MGAT5: variants seen among roughly 807,000 people sequenced by gnomAD.
MGAT5 encodes the protein alpha-1,6-mannosylglycoprotein 6-beta-N-acetylglucosaminyltransferase A.
A neutral mutation model predicts 94.3 loss-of-function variants in MGAT5; 30 were observed. The ratio of observed to expected loss-of-function variants is 0.32; its 90% CI spans 0.24 to 0.43. The LOEUF is 0.43. MGAT5 is among the 20% of genes least tolerant of loss of function. The pLI, the probability that MGAT5 is intolerant of heterozygous loss-of-function variation, is 1.00. For missense variants in MGAT5, 691 were observed against 905.5 expected (o/e 0.76, Z 3.04); for synonymous variants, 310 against 322.9 (o/e 0.96, Z 0.43).
chr2:134,248,095 G>A (rs192550956), intron 1 of MGAT5, among the ~76,000 whole-genome samples: 22 of 152,226 alleles, frequency 1.4e-4, no homozygotes, highest in Middle Eastern at 3.4e-3. Context: ...GTTTAACCCT[G>A]CCTCTTCAAG....
chr2:134,341,826 T>TA, intron 7 of MGAT5, 67 bp downstream of exon 7: 1 of 1,368,392 alleles, frequency 7.3e-7, no homozygotes, highest in Non-Finnish European at 1.0e-6. Flanking sequence ...CTTAAAGTAT[T>TA]ACCTCTATTA....
At chr2:134,190,549 C>G (rs2105224878) in intron 1 of MGAT5, among the ~76,000 whole-genome samples, 1 of 152,332 alleles carries the variant, frequency 6.6e-6, no homozygotes, top group African/African-American at 2.4e-5. Flanking sequence ...TAGCATTACT[C>G]CAAAGGACTT....
rs537793897 is a variant in MGAT5, at chr2:134,151,730, C to T, written c.-143+31439C>T. On this transcript the variant is annotated intron_variant, in intron 1 of 16. Transcript: ENST00000409645. ...CCCATGCCCTGTGGGACCCACTCAC[C>T]GCCATGGGACCTCACTCACTCATCC... is the stretch of plus-strand genomic sequence containing the variant. Among the ~76,000 whole-genome samples the T allele has an allele frequency of 9.8e-4, 128 of 130,474 alleles. 1 individual carries two copies. The highest frequency in any genetic ancestry group is 3.0e-3 in the African/African-American group (97 of 32,216). 85.6% of individuals were successfully genotyped at this position (130,474 alleles called of 152,430 possible).
chr2:134,234,162 A>G (rs1681512158), intron 1 of MGAT5, among the ~76,000 whole-genome samples: 1 of 152,024 alleles, frequency 6.6e-6, no homozygotes, highest in Non-Finnish European at 1.5e-5. Context: ...ATACTTTGTT[A>G]TTGATGTGAT....
intron 15 of MGAT5, among the ~76,000 whole-genome samples, chr2:134,445,901 G>A (rs1319200966): frequency 1.3e-5 from 2 of 152,206 alleles, no homozygotes; most frequent in Non-Finnish European, 2.9e-5. Context: ...ATTGGGGAAA[G>A]CTGCTTTGCC....
At chr2:134,328,343 G>A (rs1190067789) in intron 4 of MGAT5, among the ~76,000 whole-genome samples, 1 of 152,000 alleles carries the variant, frequency 6.6e-6, no homozygotes, top group Non-Finnish European at 1.5e-5. Flanking sequence ...TGTCTTGTCA[G>A]GGGGCAGCAG....
Position 134,242,056 on chromosome 2 carries a change from A to G in MGAT5, c.-142-12206A>G, listed in dbSNP as rs1456521078. Among the ~76,000 whole-genome samples, 3 of 152,206 alleles carry G rather than the reference A, an allele frequency of 2.0e-5. 1 individual carries two copies. The highest frequency in any genetic ancestry group is 4.1e-4 in the South Asian group (2 of 4,830). On this transcript the variant is annotated intron_variant, in intron 1 of 16. Coordinates refer to the MGAT5 transcript ENST00000409645. Reference sequence around the variant, plus strand: ...AGCATGCTTATCTCAGTTGAAGGCTATTTCACTTTGAAGTCAACTGGGAAA... The same window carrying G: ...AGCATGCTTATCTCAGTTGAAGGCTGTTTCACTTTGAAGTCAACTGGGAAA...
At chr2:134,383,079 C>G (rs1422946647) in intron 10 of MGAT5, among the ~76,000 whole-genome samples, 1 of 152,100 alleles carries the variant, frequency 6.6e-6, no homozygotes, top group Non-Finnish European at 1.5e-5. Flanking sequence ...TGGGGAAGTT[C>G]ACAAAAATGT....
At position 134,124,252 on chromosome 2, in the gene MGAT5, C is replaced by T. The variant is rs116688063; in HGVS notation, c.-143+3961C>T. On this transcript the variant is annotated intron_variant, in intron 1 of 16. Coordinates refer to the MGAT5 transcript ENST00000409645. ...GGAGCCTTAGCACTGTAACCACGTT[C>T]TCAGCTAGAGGAGTTTGGACTCGAG... Among the ~76,000 whole-genome samples, 1,471 of 152,338 alleles carry T rather than the reference C, an allele frequency of 9.7e-3. 26 individuals carry two copies. The highest frequency in any genetic ancestry group is 0.032 in the African/African-American group (1,315 of 41,574).
rs1436258308 is a variant in MGAT5, at chr2:134,452,871, C to T, written c.*4024C>T. ...ACGGATGGACATAAATAGATTCATG[C>T]TCATTTAGGAAGCTGGGAGTTTCGT... is the stretch of plus-strand genomic sequence containing the variant. On this transcript the variant is annotated 3_prime_UTR_variant, in exon 16 of 16. Transcript: ENST00000281923. 2.6e-5 allele frequency: 4 copies of T among 152,206 alleles called. No homozygotes were observed. The highest frequency in any genetic ancestry group is 9.7e-5 in the African/African-American group (4 of 41,444). 9.4% of individuals were successfully genotyped at this position (152,206 alleles called of 1,614,324 possible).
At chr2:134,182,268 G>A (rs1257215) in intron 1 of MGAT5, among the ~76,000 whole-genome samples, 129,184 of 152,270 alleles carry the variant, frequency 0.85, 55,029 homozygotes, top group African/African-American at 0.93. Context: ...GATCTGACCT[G>A]TTGTCATCTA....
rs1688324674 is a variant in MGAT5 at position 134,336,257 on chromosome 2, A to T, written c.614A>T (p.Asn205Ile). 1 of 1,612,782 alleles carries T rather than the reference A, an allele frequency of 6.2e-7. No homozygotes were observed. Among genetic ancestry groups the T allele is most frequent in the Admixed American group, 1.7e-5 (1 of 59,876 alleles). ...WCPHLPWRAKNPYEEADHNSL... is the reference protein window; with the variant it reads ...WCPHLPWRAKIPYEEADHNSL... Reference sequence around the variant, plus strand: ...CCTCATTTACCTTGGAGAGCAAAAAATCCCTACGAAGAAGCTGATCATAAT... The same window carrying T: ...CCTCATTTACCTTGGAGAGCAAAAATTCCCTACGAAGAAGCTGATCATAAT... Residue 205 changes from asparagine (N) to isoleucine (I), a missense_variant, in exon 5 of 16, where the codon AAT becomes ATT. Physicochemically the swap from Asn to Ile is moderately radical, Grantham distance 149. Coordinates refer to ENST00000281923, the MANE Select transcript of MGAT5 (RefSeq NM_002410.5).
intron 1 of MGAT5, among the ~76,000 whole-genome samples, chr2:134,179,156 C>T (rs1271651154): frequency 6.6e-6 from 1 of 152,078 alleles, no homozygotes; most frequent in Non-Finnish European, 1.5e-5. Flanking sequence ...CTGGTTAGTA[C>T]CGTGTTTATC....
intron 12 of MGAT5, among the ~76,000 whole-genome samples, chr2:134,419,681 A>T (rs1684190822): frequency 1.3e-5 from 2 of 152,208 alleles, no homozygotes; most frequent in African/African-American, 4.8e-5. Context: ...TCAGAGGGGA[A>T]CTAATGAATC....
intron 2 of MGAT5, among the ~76,000 whole-genome samples, chr2:134,306,432 A>G (rs1303370838): frequency 6.6e-6 from 1 of 152,162 alleles, no homozygotes; most frequent in African/African-American, 2.4e-5. Flanking sequence ...GTCGTTGACT[A>G]TACCTCATAC....
rs1574109085 is a variant in MGAT5 at position 134,441,919 on chromosome 2, A to G, written c.2027+4A>G. The G allele has an allele frequency of 2.3e-5, 29 of 1,276,772 alleles. No individual in the cohort carries two copies. The highest frequency in any genetic ancestry group is 2.9e-5 in the Non-Finnish European group (26 of 885,898). 79.1% of individuals were successfully genotyped at this position (1,276,772 alleles called of 1,614,324 possible). On this transcript the variant is annotated splice_donor_region_variant and intron_variant, in intron 15 of 15. Coordinates refer to ENST00000281923, the MANE Select transcript of MGAT5 (RefSeq NM_002410.5). The stretch of plus-strand genomic sequence containing the variant: ...ACAAGGACAAGGACATGCTGAAGTA[A>G]GTGCCCTGGGGTGGGGGTGGGGACT...
At chr2:134,428,535 G>A (rs1684711880) in intron 14 of MGAT5, 96 bp downstream of exon 14, 1 of 1,151,240 alleles carries the variant, frequency 8.7e-7, no homozygotes, top group African/African-American at 1.5e-5. Context: ...CTGTGTTTCT[G>A]TGGCTATTTT....
rs538119058 is a variant in MGAT5, at chr2:134,248,029, T to C, written c.-142-6233T>C. 2.3e-4 allele frequency among the ~76,000 whole-genome samples: 35 copies of C among 152,256 alleles called. 1 individual carries two copies. The highest frequency in any genetic ancestry group is 6.8e-3 in the Middle Eastern group (2 of 294). ...GCCCCCCTAGAATTTTCTTCTGGAG[T>C]GTTTTTTTGCAGTTTTCTTCTCTGT... On this transcript the variant is annotated intron_variant, in intron 1 of 16. Transcript: ENST00000409645.
At chr2:134,397,028 A>G (rs1204016738) in intron 10 of MGAT5, among the ~76,000 whole-genome samples, 1 of 152,194 alleles carries the variant, frequency 6.6e-6, no homozygotes, top group Non-Finnish European at 1.5e-5. Context: ...AGGTTTGGGA[A>G]TGAGGGATAA....
Sources: allele counts gnomAD v4.1 joint callset (sites outside exome capture counted in the v4.1 genomes callset), GRCh38; gene constraint gnomAD v4.1.1; transcripts MANE v1.5; gene names NCBI Gene and HGNC (gene_info 2026-07-23, HGNC 2026-07-21).